Variants in DLC1 observed in about 807,000 individuals in gnomAD.
DLC1 encodes the protein rho GTPase-activating protein 7.
DLC1 carries 54 observed loss-of-function variants against 140.3 expected under a neutral mutation model. The ratio of observed to expected loss-of-function variants is 0.38; its 90% CI spans 0.31 to 0.48. DLC1 has a LOEUF of 0.48. Ranked by LOEUF, DLC1 falls within the 20% of genes least tolerant of loss-of-function variation. The pLI is 0.96. For missense variants in DLC1, 2,536 were observed against 1,907.0 expected, an observed-to-expected ratio of 1.33 and a Z score of -6.14; for synonymous variants, 986 against 728.1, an observed-to-expected ratio of 1.35 and a Z score of -5.70.
chr8:13,266,857 A>G (rs1190782516), intron 5 of DLC1, among the ~76,000 whole-genome samples: 1 of 152,238 alleles, frequency 6.6e-6, no homozygotes, highest in African/African-American at 2.4e-5. Flanking sequence ...TAATAACATT[A>G]GAAGGCCTGA....
At chr8:13,367,749 G>C (rs1281552456) in intron 4 of DLC1, among the ~76,000 whole-genome samples, 1 of 152,084 alleles carries the variant, frequency 6.6e-6, no homozygotes, top group Non-Finnish European at 1.5e-5. Flanking sequence ...TCTGAAATTG[G>C]TCAATTTCAG....
intron 1 of DLC1, among the ~76,000 whole-genome samples, chr8:13,574,911 C>T (rs1384801793): frequency 6.6e-6 from 1 of 152,160 alleles, no homozygotes; most frequent in Non-Finnish European, 1.5e-5. Flanking sequence ...TAACTTAGCT[C>T]ATTCTGCAGC....
chr8:13,283,380 T>A (rs969757828), intron 5 of DLC1, among the ~76,000 whole-genome samples: 1 of 152,044 alleles, frequency 6.6e-6, no homozygotes, highest in African/African-American at 2.4e-5. Flanking sequence ...TGTGAAGTAC[T>A]GTAATCTCTG....
chr8:13,424,575 AT>A (rs201853855), intron 2 of DLC1, among the ~76,000 whole-genome samples: 2 of 151,026 alleles, frequency 1.3e-5, no homozygotes, highest in Admixed American at 1.3e-4. Flanking sequence ...AAAATTTGTA[AT>A]TTTTTTTTCT....
At chr8:13,546,121 G>C (rs538658631) in intron 1 of DLC1, among the ~76,000 whole-genome samples, 70 of 152,094 alleles carry the variant, frequency 4.6e-4, no homozygotes, top group African/African-American at 1.6e-3. Context: ...TCTTGTAAGG[G>C]ATATGCTATT....
intron 7 of DLC1, among the ~76,000 whole-genome samples, chr8:13,103,979 A>G (rs1009663338): frequency 2.0e-5 from 3 of 152,226 alleles, no homozygotes; most frequent in Admixed American, 6.5e-5. Context: ...TTTGAAATCA[A>G]AACTCAAATT....
intron 1 of DLC1, among the ~76,000 whole-genome samples, chr8:13,527,218 A>C (rs915731120): frequency 1.3e-5 from 2 of 152,252 alleles, no homozygotes; most frequent in Admixed American, 6.5e-5. Flanking sequence ...AATAATTATC[A>C]GACCCAAAAT....
intron 5 of DLC1, among the ~76,000 whole-genome samples, chr8:13,199,092 C>A (rs567474929): frequency 2.6e-5 from 4 of 151,518 alleles, no homozygotes; most frequent in Non-Finnish European, 5.9e-5. Flanking sequence ...AGAGACTTTG[C>A]GTATAATCTC....
chr8:13,501,123 C>G (rs1009052673), intron 1 of DLC1, among the ~76,000 whole-genome samples: 2 of 152,134 alleles, frequency 1.3e-5, no homozygotes, highest in Non-Finnish European at 2.9e-5. Context: ...GAAGATATGA[C>G]TATAAGACAA....
chr8:13,555,249 T>C lies in DLC1; in HGVS notation c.-126+49288A>G, dbSNP rs558345181. 3.3e-5 allele frequency among the ~76,000 whole-genome samples: 5 copies of C among 152,310 alleles called. No individual in the cohort carries two copies. The East Asian group carries it at 9.7e-4, about 29-fold the overall frequency. ...CTACATATCACATACCATCTTCTAG[T>C]GTAAATTATTTACTCACTGTGCTTG... On this transcript the variant is annotated intron_variant, in intron 1 of 1. Coordinates refer to the DLC1 transcript ENST00000631382.
At chr8:13,520,739 C>A (rs1802739816) in intron 1 of DLC1, among the ~76,000 whole-genome samples, 1 of 152,128 alleles carries the variant, frequency 6.6e-6, no homozygotes, top group Non-Finnish European at 1.5e-5. Context: ...AGGGTACCAT[C>A]AGAAACTCAA....
intron 5 of DLC1, among the ~76,000 whole-genome samples, chr8:13,151,878 AAAAG>A (rs1189996364): frequency 1.3e-5 from 2 of 152,146 alleles, no homozygotes; most frequent in African/African-American, 2.4e-5. Context: ...TTTTTTTAAA[AAAAG>A]AAAGTGGTAA....
At chr8:13,115,914 T>A (rs1272661330) in intron 5 of DLC1, among the ~76,000 whole-genome samples, 1 of 152,246 alleles carries the variant, frequency 6.6e-6, no homozygotes, top group East Asian at 1.9e-4. Context: ...GTTTCTCATT[T>A]TGTGCTGCTT....
At chr8:13,435,005 C>G (rs1243370581) in intron 2 of DLC1, among the ~76,000 whole-genome samples, 1 of 152,020 alleles carries the variant, frequency 6.6e-6, no homozygotes, top group African/African-American at 2.4e-5. Context: ...TTAAGAAATA[C>G]ATTTTGTAAG....
At chr8:13,508,560 G>A (rs1366253507) in intron 1 of DLC1, among the ~76,000 whole-genome samples, 1 of 151,926 alleles carries the variant, frequency 6.6e-6, no homozygotes, top group Non-Finnish European at 1.5e-5. Context: ...TGGGACTACA[G>A]GTGCCCATCA....
At chr8:13,569,878 C>T (rs190012553) in intron 1 of DLC1, among the ~76,000 whole-genome samples, 60 of 152,280 alleles carry the variant, frequency 3.9e-4, no homozygotes, top group Admixed American at 8.5e-4. Context: ...CGTGCCGCCA[C>T]GCCTGGCTAA....
At chr8:13,112,663 G>T (rs1319718184) in intron 6 of DLC1, among the ~76,000 whole-genome samples, 2 of 152,180 alleles carry the variant, frequency 1.3e-5, no homozygotes, top group Non-Finnish European at 2.9e-5. Flanking sequence ...AAGACAGGTT[G>T]TAACATTGTT....
chr8:13,307,407 G>A (rs2117531166), intron 4 of DLC1, among the ~76,000 whole-genome samples: 2 of 152,274 alleles, frequency 1.3e-5, no homozygotes, highest in Admixed American at 1.3e-4. Flanking sequence ...CTAGAGGAAA[G>A]CAATTTCCTT....
chr8:13,578,484 G>C (rs1357983667), intron 1 of DLC1, among the ~76,000 whole-genome samples: 2 of 152,102 alleles, frequency 1.3e-5, no homozygotes, highest in Non-Finnish European at 2.9e-5. Context: ...TGGAGTTTAA[G>C]TCAGATCCCA....
Sources: allele counts gnomAD v4.1 joint callset (sites outside exome capture counted in the v4.1 genomes callset), GRCh38; gene constraint gnomAD v4.1.1; transcripts MANE v1.5; gene names NCBI Gene and HGNC (gene_info 2026-07-23, HGNC 2026-07-21).